KCNH7: variants seen among roughly 807,000 people sequenced by gnomAD.
KCNH7 encodes potassium voltage-gated channel subfamily H member 7, also known as voltage-gated inwardly rectifying potassium channel KCNH7.
KCNH7 carries 49 observed loss-of-function variants against 120.8 expected under a neutral mutation model. The observed-to-expected ratio is 0.41, with a 90% CI of 0.32 to 0.51. KCNH7 has a LOEUF of 0.51. KCNH7 is among the 20% of genes least tolerant of loss of function. KCNH7 has a pLI of 0.38. For synonymous variants in KCNH7, 547 were observed against 516.1 expected, an observed-to-expected ratio of 1.06 and a Z score of -0.81; for missense variants, 1,097 against 1,446.6, an observed-to-expected ratio of 0.76 and a Z score of 3.92.
At chr2:162,479,855 T>C (rs1689870382) in intron 6 of KCNH7, among the ~76,000 whole-genome samples, 1 of 152,206 alleles carries the variant, frequency 6.6e-6, no homozygotes, top group African/African-American at 2.4e-5. Context: ...CCCTGCCTTT[T>C]AGTCTTTCTT....
intron 9 of KCNH7, among the ~76,000 whole-genome samples, chr2:162,415,138 G>A (rs937602483): frequency 6.6e-6 from 1 of 150,852 alleles, no homozygotes; most frequent in Non-Finnish European, 1.5e-5. Flanking sequence ...CTCCTGATTT[G>A]TCCTTTTTTT....
chr2:162,579,471 T>C (rs1320139738), intron 2 of KCNH7, among the ~76,000 whole-genome samples: 2 of 152,082 alleles, frequency 1.3e-5, no homozygotes, highest in African/African-American at 4.8e-5. Context: ...GCTATGTCAA[T>C]ATGAAACTTC....
chr2:162,486,178 C>A (rs1396273336), intron 6 of KCNH7, among the ~76,000 whole-genome samples: 1 of 152,142 alleles, frequency 6.6e-6, no homozygotes, highest in African/African-American at 2.4e-5. Context: ...TCTCCTCACA[C>A]CATAGGCCAC....
intron 2 of KCNH7, among the ~76,000 whole-genome samples, chr2:162,753,620 G>C (rs1237766152): frequency 6.6e-6 from 1 of 151,914 alleles, no homozygotes; most frequent in Non-Finnish European, 1.5e-5. Context: ...GTTAGTTGGA[G>C]TCAGTTCTGT....
intron 2 of KCNH7, among the ~76,000 whole-genome samples, chr2:162,691,900 T>A (rs773797431): frequency 1.3e-5 from 2 of 152,156 alleles, no homozygotes; most frequent in Non-Finnish European, 2.9e-5. Flanking sequence ...GAGAAAGACA[T>A]CAAACATCAG....
intron 6 of KCNH7, among the ~76,000 whole-genome samples, chr2:162,471,686 C>A (rs1229806842): frequency 6.6e-6 from 1 of 152,162 alleles, no homozygotes; most frequent in Non-Finnish European, 1.5e-5. Context: ...AGATTCAATG[C>A]CATCCCTATT....
At chr2:162,780,150 A>G (rs1364081390) in intron 2 of KCNH7, among the ~76,000 whole-genome samples, 1 of 152,166 alleles carries the variant, frequency 6.6e-6, no homozygotes, top group African/African-American at 2.4e-5. Context: ...CCTTCCTTAA[A>G]GGTAAAAATA....
At chr2:162,516,780 G>A (rs553272031) in intron 4 of KCNH7, among the ~76,000 whole-genome samples, 4 of 151,832 alleles carry the variant, frequency 2.6e-5, no homozygotes, top group East Asian at 3.9e-4. Context: ...AGTGAGGGAG[G>A]AAAAAGATTG....
intron 2 of KCNH7, among the ~76,000 whole-genome samples, chr2:162,801,136 G>A (rs946228804): frequency 1.3e-5 from 2 of 151,598 alleles, no homozygotes; most frequent in Non-Finnish European, 3.0e-5. Flanking sequence ...GAACTAATGC[G>A]AAGAGGGTAG....
In KCNH7 at chr2:162,521,483, A is replaced by G. The variant is rs185380788; in HGVS notation, c.464-3325T>C. On this transcript the variant is annotated intron_variant, in intron 3 of 15. Transcript: ENST00000332142. ...CTACTTGATTTAACTCATTGATGAA[A>G]TTTATGTAAAACACCTGTTACAGAA... Among the ~76,000 whole-genome samples, 47 of 151,976 alleles carry G rather than the reference A, an allele frequency of 3.1e-4. 1 individual carries two copies. The highest frequency in any genetic ancestry group is 1.1e-3 in the African/African-American group (45 of 41,524).
intron 6 of KCNH7, among the ~76,000 whole-genome samples, chr2:162,477,813 C>CATCT (rs1689797776): frequency 6.9e-6 from 1 of 145,162 alleles, no homozygotes; most frequent in South Asian, 2.1e-4. Flanking sequence ...TCTGCCCAAA[C>CATCT]ATCTATCCAT....
chr2:162,628,735 A>G (rs1201986557), intron 2 of KCNH7, among the ~76,000 whole-genome samples: 1 of 152,004 alleles, frequency 6.6e-6, no homozygotes, highest in Non-Finnish European at 1.5e-5. Context: ...TTTGCTAAGG[A>G]TAATGGCCTC....
rs1436109746 is a variant in KCNH7, at chr2:162,450,418, C to T, written c.1129-3975G>A. ...ATGGTACTGGTTCTTTTGATTTCTG[C>T]ATCATTATGCATGTTTTATGTGACC... On this transcript the variant is annotated intron_variant, in intron 6 of 15. Coordinates refer to ENST00000332142, the MANE Select transcript of KCNH7 (RefSeq NM_033272.4). Among the ~76,000 whole-genome samples the T allele has an allele frequency of 2.0e-5, 3 of 151,982 alleles. No individual in the cohort carries two copies. The East Asian group carries it at 5.8e-4, about 29-fold the overall frequency.
Position 162,384,798 on chromosome 2 carries a change from C to A in KCNH7, c.2852G>T (p.Gly951Val), listed in dbSNP as rs1304623409. 1 of 1,612,846 alleles carries A rather than the reference C, an allele frequency of 6.2e-7. No individual in the cohort carries two copies. The highest frequency in any genetic ancestry group is 8.5e-7 in the Non-Finnish European group (1 of 1,179,140). ...IDDEQKPLFSGIVDSSPGIGK... is the reference protein window; with the variant it reads ...IDDEQKPLFSVIVDSSPGIGK... ...TATTCCTGGAGAAGAGTCTACTATT[C>A]CTGAGAAGAGCGGCTTTTGTTCATC... is the stretch of plus-strand genomic sequence containing the variant. The change falls in exon 13 of 16, where the codon GGA becomes GTA. Residue 951 changes from glycine (G) to valine (V), a missense_variant. Physicochemically the swap from Gly to Val is moderately radical, Grantham distance 109. Coordinates refer to ENST00000332142, the MANE Select transcript of KCNH7 (RefSeq NM_033272.4).
intron 6 of KCNH7, among the ~76,000 whole-genome samples, chr2:162,469,398 T>C (rs1689419355): frequency 6.6e-6 from 1 of 152,094 alleles, no homozygotes; most frequent in Admixed American, 6.5e-5. Flanking sequence ...CTGACCTGAG[T>C]AGTTTGTATG....
At chr2:162,719,099 A>C (rs1398022792) in intron 2 of KCNH7, among the ~76,000 whole-genome samples, 1 of 152,068 alleles carries the variant, frequency 6.6e-6, no homozygotes, top group Non-Finnish European at 1.5e-5. Flanking sequence ...TGTATGTTTC[A>C]GACAAGATAA....
chr2:162,407,076 G>A (rs778093512), intron 9 of KCNH7, among the ~76,000 whole-genome samples: 10 of 151,936 alleles, frequency 6.6e-5, no homozygotes, highest in Non-Finnish European at 1.3e-4. Flanking sequence ...AATAAGGAAA[G>A]ATTTTCTTGT....
intron 2 of KCNH7, among the ~76,000 whole-genome samples, chr2:162,671,639 C>A (rs1429792664): frequency 6.6e-6 from 1 of 151,878 alleles, no homozygotes; most frequent in African/African-American, 2.4e-5. Flanking sequence ...TGTGGGTACA[C>A]TAAAAACCCA....
chr2:162,667,358 C>T (rs536884050), intron 2 of KCNH7, among the ~76,000 whole-genome samples: 1 of 152,150 alleles, frequency 6.6e-6, no homozygotes, highest in Admixed American at 6.5e-5. Flanking sequence ...GTGGATTTCC[C>T]AGAAGTGTAA....
Sources: gnomAD v4.1 joint callset for allele counts (sites outside exome capture counted in the v4.1 genomes callset) on GRCh38, gnomAD v4.1.1 for gene constraint, MANE v1.5 for transcripts, NCBI Gene and HGNC (gene_info 2026-07-23, HGNC 2026-07-21) for gene names.